The following PLXNA4 variants were observed in gnomAD, a reference collection of about 807,000 sequenced individuals.
PLXNA4 encodes the protein plexin-A4.
Under a neutral mutation model 191.8 loss-of-function variants are expected in PLXNA4, and 44 were observed. That is an observed-to-expected ratio of 0.23 (90% CI 0.18 to 0.29). The LOEUF is 0.29. Among genes scored for constraint, PLXNA4 ranks in the 10% least tolerant of loss-of-function variants. PLXNA4 has a pLI of 1.00. For synonymous variants in PLXNA4, 1,082 were observed against 1,009.5 expected, an observed-to-expected ratio of 1.07 and a Z score of -1.36; for missense variants, 1,800 against 2,488.8, an observed-to-expected ratio of 0.72 and a Z score of 5.89.
At chr7:132,623,344 C>T (rs1803308110) in intron 2 of PLXNA4, among the ~76,000 whole-genome samples, 1 of 138,944 alleles carries the variant, frequency 7.2e-6, no homozygotes. Context: ...AAAATTCCAT[C>T]TCAAAAAATA....
At chr7:132,448,799 T>C (rs1320298647) in intron 3 of PLXNA4, among the ~76,000 whole-genome samples, 2 of 152,234 alleles carry the variant, frequency 1.3e-5, no homozygotes, top group African/African-American at 4.8e-5. Flanking sequence ...CTCTGAACTA[T>C]AGACTGAATT....
intron 1 of PLXNA4, among the ~76,000 whole-genome samples, chr7:132,562,357 C>A (rs1304370564): frequency 1.9e-5 from 2 of 102,736 alleles, no homozygotes; most frequent in African/African-American, 3.5e-5. Flanking sequence ...CTCCTTCCTC[C>A]TCCTCCTCTG....
intron 4 of PLXNA4, among the ~76,000 whole-genome samples, chr7:132,261,693 C>T (rs1799651133): frequency 6.6e-6 from 1 of 152,232 alleles, no homozygotes; most frequent in South Asian, 2.1e-4. Context: ...CGGGCAGCTG[C>T]CGGCCAGCCT....
rs569447169 is a variant in PLXNA4, at chr7:132,296,410, C to A, written c.1503+1681G>T. ...GGGGGCTGATAACTCATATTACCAG[C>A]TTATACTTTGTTTTTTTGTTTTTAA... On this transcript the variant is annotated intron_variant, in intron 4 of 31. Transcript: ENST00000321063. Among the ~76,000 whole-genome samples the A allele has an allele frequency of 1.1e-4, 16 of 150,854 alleles. No homozygotes were observed. The South Asian group carries it at 2.8e-3, about 26-fold the overall frequency.
chr7:132,176,989 G>T (rs1473600979), intron 20 of PLXNA4, among the ~76,000 whole-genome samples: 1 of 152,172 alleles, frequency 6.6e-6, no homozygotes, highest in African/African-American at 2.4e-5. Context: ...ATGCATGTGT[G>T]CATGTGAGTG....
chr7:132,563,827 C>T (rs1337747529), intron 1 of PLXNA4, among the ~76,000 whole-genome samples: 4 of 79,366 alleles, frequency 5.0e-5, no homozygotes, highest in African/African-American at 8.0e-5. Flanking sequence ...TCTCCTCCTC[C>T]TTCTCCTCCT....
chr7:132,620,789 C>A (rs563539693), intron 2 of PLXNA4, among the ~76,000 whole-genome samples: 1 of 152,324 alleles, frequency 6.6e-6, no homozygotes, highest in South Asian at 2.1e-4. Context: ...ATATTTTTAA[C>A]CATTTGTCTT....
At chr7:132,212,284 C>T (rs1418347547) in intron 9 of PLXNA4, among the ~76,000 whole-genome samples, 1 of 152,178 alleles carries the variant, frequency 6.6e-6, no homozygotes, top group East Asian at 1.9e-4. Flanking sequence ...CACTTGTCCT[C>T]AGCAGAGTAA....
intron 4 of PLXNA4, among the ~76,000 whole-genome samples, chr7:132,285,381 T>C (rs1800646826): frequency 6.6e-6 from 1 of 152,218 alleles, no homozygotes; most frequent in Admixed American, 6.5e-5. Context: ...AAGGATATAT[T>C]CTCTACCTGT....
At chr7:132,188,538 C>T (rs1409857272) in intron 14 of PLXNA4, among the ~76,000 whole-genome samples, 1 of 152,132 alleles carries the variant, frequency 6.6e-6, no homozygotes, top group Non-Finnish European at 1.5e-5. Flanking sequence ...GCTTCCCTAT[C>T]ACCTGGCACA....
intron 3 of PLXNA4, among the ~76,000 whole-genome samples, chr7:132,419,402 G>A (rs1794773140): frequency 6.6e-6 from 1 of 152,190 alleles, no homozygotes; most frequent in African/African-American, 2.4e-5. Context: ...TGAACAACTA[G>A]AAATTTCCTG....
chr7:132,562,819 CCTCCTCCTT>C (rs1417382692), intron 1 of PLXNA4, among the ~76,000 whole-genome samples: 1 of 122,692 alleles, frequency 8.2e-6, no homozygotes, highest in Non-Finnish European at 1.7e-5. Context: ...TCCTCCTTCT[CCTCCTCCTT>C]CTCCTCCTCC....
At chr7:132,287,797 C>T (rs1800739138) in intron 4 of PLXNA4, among the ~76,000 whole-genome samples, 1 of 152,170 alleles carries the variant, frequency 6.6e-6, no homozygotes, top group Non-Finnish European at 1.5e-5. Flanking sequence ...CTCCATGTAC[C>T]CCGGGATGCC....
At chr7:132,615,970 C>T (rs1442382362) in intron 2 of PLXNA4, among the ~76,000 whole-genome samples, 1 of 45,472 alleles carries the variant, frequency 2.2e-5, no homozygotes, top group Non-Finnish European at 6.9e-5. Context: ...TCTCTATTCC[C>T]CACCGCCTGC....
At chr7:132,419,219 C>G (rs746740069) in intron 3 of PLXNA4, among the ~76,000 whole-genome samples, 17 of 152,176 alleles carry the variant, frequency 1.1e-4, no homozygotes, top group Non-Finnish European at 1.9e-4. Flanking sequence ...TACCTGGGGC[C>G]AGGCATCGTG....
rs573545447 is a variant in PLXNA4 at position 132,234,796 on chromosome 7, CAA to C, written c.1604+6268_1604+6269del. Among the ~76,000 whole-genome samples the C allele has an allele frequency of 8.6e-4, 131 of 152,182 alleles. 1 individual carries two copies. Among genetic ancestry groups the C allele is most frequent in the Non-Finnish European group, 3.7e-4 (25 of 68,006 alleles). On this transcript the variant is annotated intron_variant, in intron 5 of 31. Coordinates refer to ENST00000321063, the MANE Select transcript of PLXNA4 (RefSeq NM_020911.2). ...GGAACAGAGGCTGATAGCTTTTTGG[CAA>C]AGAGTCAAGGAAAATCTCCTTGCAC...
chr7:132,322,180 A>G (rs1802193423), intron 3 of PLXNA4, among the ~76,000 whole-genome samples: 1 of 95,380 alleles, frequency 1.0e-5, no homozygotes, highest in Non-Finnish European at 2.0e-5. Flanking sequence ...TTTCCCTAAA[A>G]GGGCTTTTTT....
At chr7:132,283,795 C>A (rs760647735) in intron 4 of PLXNA4, among the ~76,000 whole-genome samples, 1 of 152,236 alleles carries the variant, frequency 6.6e-6, no homozygotes, top group African/African-American at 2.4e-5. Flanking sequence ...CTACTTCCTA[C>A]ATTTGTCATC....
At chr7:132,193,930 T>C in intron 14 of PLXNA4, 132 bp downstream of exon 14, 1 of 1,195,610 alleles carries the variant, frequency 8.4e-7, no homozygotes, top group Non-Finnish European at 1.2e-6. Flanking sequence ...GACAGGAGTC[T>C]CATGAACTGA....
Sources: gnomAD v4.1 joint callset for allele counts (sites outside exome capture counted in the v4.1 genomes callset) on GRCh38, gnomAD v4.1.1 for gene constraint, MANE v1.5 for transcripts, NCBI Gene and HGNC (gene_info 2026-07-23, HGNC 2026-07-21) for gene names.